The following JAG2 variants were observed in gnomAD, a reference collection of about 807,000 sequenced individuals.
JAG2 encodes protein jagged-2.
Under a neutral mutation model 141.7 loss-of-function variants are expected in JAG2, and 46 were observed. The ratio of observed to expected loss-of-function variants is 0.32; its 90% CI spans 0.26 to 0.42. The LOEUF (loss-of-function observed/expected upper bound fraction) is 0.42. Among genes scored for constraint, JAG2 ranks in the 10% least tolerant of loss-of-function variants. The pLI, the probability that JAG2 is intolerant of heterozygous loss-of-function variation, is 1.00. For synonymous variants in JAG2, 862 were observed against 763.5 expected, an observed-to-expected ratio of 1.13 and a Z score of -2.13; for missense variants, 1,500 against 1,817.5, an observed-to-expected ratio of 0.83 and a Z score of 3.18.
intron 8 of JAG2, 81 bp downstream of exon 8, chr14:105,151,545 C>A (rs1888432027): frequency 7.4e-6 from 10 of 1,357,762 alleles, no homozygotes; most frequent in South Asian, 1.2e-5. Flanking sequence ...GACCACTGCA[C>A]CCCATCCCCA....
At chr14:105,168,188 C>T (rs2141000546) in intron 1 of JAG2, 81 bp from the exon 2 acceptor site, 2 of 1,190,512 alleles carry the variant, frequency 1.7e-6, no homozygotes, top group South Asian at 2.4e-5. Flanking sequence ...GGGAACAGGC[C>T]CCGCCGCCCC....
chr14:105,168,223 G>A, intron 1 of JAG2, 116 bp from the exon 2 acceptor site: 3 of 680,520 alleles, frequency 4.4e-6, no homozygotes, highest in Non-Finnish European at 5.3e-6. Context: ...GCGCCCGCCC[G>A]GAGCCCCAGC....
At position 105,167,308 on chromosome 14, in the gene JAG2, C is replaced by T. The variant is rs1215175635; in HGVS notation, c.417+449G>A. ...GTCCCACGGCGCCCGCCCGTGCCCC[C>T]CAGGCATCCAGGAAACTGCAGGGCA... On this transcript the variant is annotated intron_variant, in intron 2 of 25. Transcript: ENST00000331782. The surrounding 1 kb of genome is among the most constrained non-coding windows in gnomAD (Gnocchi z 4.8). Among the ~76,000 whole-genome samples the T allele has an allele frequency of 6.6e-6, 1 of 152,096 alleles. No individual in the cohort carries two copies. The highest frequency in any genetic ancestry group is 1.9e-4 in the East Asian group (1 of 5,176).
chr14:105,148,901 A>G, intron 14 of JAG2, 36 bp downstream of exon 14: 1 of 1,594,798 alleles, frequency 6.3e-7, no homozygotes, highest in Admixed American at 1.7e-5. Context: ...AGGCCAGCCC[A>G]GCCCCACCAC....
intron 15 of JAG2, 110 bp downstream of exon 15, chr14:105,148,635 C>A: frequency 9.3e-7 from 1 of 1,077,542 alleles, no homozygotes; most frequent in Non-Finnish European, 1.4e-6. Flanking sequence ...CCTGGCCAGG[C>A]CTTTCTGGGT....
intron 12 of JAG2, among the ~76,000 whole-genome samples, chr14:105,150,046 T>A (rs1173586417): frequency 3.4e-5 from 1 of 29,380 alleles, no homozygotes. Context: ...TTGGGGGAGG[T>A]GGGGAAGGGG....
rs1888621387 is a variant in JAG2, at chr14:105,157,708, T to A, written c.473A>T (p.Asn158Ile). ...CACCTGGCCCAGGGCTCACTCACCA[T>A]TCGGGGTGGTATCGTTGTCCCAGTC... ...AWDWDNDTTP[N>I]EELLIERVSH... The change falls in exon 3 of 26, where the codon AAT becomes ATT. Residue 158 changes from asparagine (N) to isoleucine (I), a missense_variant and splice_region_variant. This residue lies in a region of JAG2 where 875 missense variants were observed against 1,202.2 expected (regional missense o/e 0.73). Coordinates refer to ENST00000331782, the MANE Select transcript of JAG2 (RefSeq NM_002226.5). 14 of 1,563,014 alleles carry A rather than the reference T, an allele frequency of 9.0e-6. No homozygotes were observed. Among genetic ancestry groups the A allele is most frequent in the Non-Finnish European group, 1.2e-5 (14 of 1,155,118 alleles).
intron 2 of JAG2, 43 bp from the exon 3 acceptor site, chr14:105,157,806 T>TA (rs1888624786): frequency 6.6e-7 from 1 of 1,522,108 alleles, no homozygotes; most frequent in Non-Finnish European, 8.9e-7. Context: ...AGGCCACACC[T>TA]GCCTGCCTCG....
chr14:105,159,235 G>GC (rs985027594), intron 2 of JAG2, among the ~76,000 whole-genome samples: 7 of 149,078 alleles, frequency 4.7e-5, no homozygotes, highest in Non-Finnish European at 8.9e-5. Context: ...CCCCGGCCCC[G>GC]CCCCCGAGCC....
chr14:105,164,473 G>A (rs1171747755), intron 2 of JAG2, among the ~76,000 whole-genome samples: 2 of 152,208 alleles, frequency 1.3e-5, no homozygotes, highest in African/African-American at 4.8e-5. Flanking sequence ...GAGGGGGGTG[G>A]TCCCCAGTGT....
At chr14:105,151,597 G>C in intron 8 of JAG2, 29 bp downstream of exon 8, 1 of 1,542,654 alleles carries the variant, frequency 6.5e-7, no homozygotes, top group Non-Finnish European at 8.9e-7. Flanking sequence ...TACTAGGCAG[G>C]AGTCCCCTAC....
At chr14:105,151,213 C>CGCAGCCCCAGCAGCCCCCGCAGCCCCA (rs1888417334) in intron 9 of JAG2, 70 bp downstream of exon 9, 21 of 1,372,702 alleles carry the variant, frequency 1.5e-5, no homozygotes, top group African/African-American at 1.3e-4. Context: ...CAGCAGCCCC[C>CGCAGCCCCAGCAGCCCCCGCAGCCCCA]GCAGCCCCAG....
chr14:105,156,759 G>A (rs1054974741), intron 3 of JAG2, among the ~76,000 whole-genome samples: 2 of 152,144 alleles, frequency 1.3e-5, no homozygotes, highest in Non-Finnish European at 1.5e-5. Flanking sequence ...CCCAAGGGGC[G>A]TCCCGGCCGC....
Position 105,150,901 on chromosome 14 carries a change from G to A in JAG2, c.1392C>T (p.Asp464=), listed in dbSNP as rs1179012527. The change falls in exon 11 of 26, where the codon GAC becomes GAT. Residue 464 remains aspartate, a synonymous_variant. Coordinates refer to ENST00000331782, the MANE Select transcript of JAG2 (RefSeq NM_002226.5). ...CCCCATGCTGACACTGCCCGCGACA[G>A]TCGTTGACGTCTGGGGGCAGAGGAG... ...KGINCHINVN[D]CRGQCQHGGT... 1 of 1,592,182 alleles carries A rather than the reference G, an allele frequency of 6.3e-7. No individual in the cohort carries two copies. The highest frequency in any genetic ancestry group is 1.3e-5 in the African/African-American group (1 of 74,416).
At chr14:105,168,199 GC>G in intron 1 of JAG2, 92 bp from the exon 2 acceptor site, 3 of 788,142 alleles carry the variant, frequency 3.8e-6, no homozygotes, top group Non-Finnish European at 4.7e-6. Flanking sequence ...CCGCCGCCCC[GC>G]CCCCACCCAG....
At chr14:105,143,319 G>C in intron 25 of JAG2, 149 bp from the exon 26 acceptor site, 2 of 1,299,888 alleles carry the variant, frequency 1.5e-6, no homozygotes, top group Non-Finnish European at 2.1e-6. Flanking sequence ...CCCAGGACGG[G>C]GGCTGGGAAG....
rs756074990 is a variant in JAG2 at position 105,151,040 on chromosome 14, G to A, written c.1332C>T (p.Gly444=). 16 of 1,613,142 alleles carry A rather than the reference G, an allele frequency of 9.9e-6. No homozygotes were observed. Among genetic ancestry groups the A allele is most frequent in the East Asian group, 4.5e-5 (2 of 44,890 alleles). Residue 444 remains glycine, a synonymous_variant, in exon 10 of 26, where the codon GGC becomes GGT. Coordinates refer to ENST00000331782, the MANE Select transcript of JAG2 (RefSeq NM_002226.5). ...AGCCCGGGATGCAATCACAGTAATA[G>A]CCGCCAATCAGGTTTTTGCAAGAAA... ...NAFSCKNLIG[G]YYCDCIPGWK...
intron 23 of JAG2, among the ~76,000 whole-genome samples, 189 bp downstream of exon 23, chr14:105,145,542 T>C (rs1348243111): frequency 2.0e-5 from 3 of 152,156 alleles, no homozygotes; most frequent in Non-Finnish European, 2.9e-5. Flanking sequence ...CAGCCTCCTC[T>C]GCCACCTCCA....
intron 2 of JAG2, among the ~76,000 whole-genome samples, chr14:105,166,850 C>T (rs1303582715): frequency 6.6e-6 from 1 of 152,186 alleles, no homozygotes; most frequent in African/African-American, 2.4e-5. Context: ...CTCTCATTCC[C>T]GCACTCACCC....
Sources: gnomAD v4.1 joint callset for allele counts (sites outside exome capture counted in the v4.1 genomes callset) on GRCh38, gnomAD v4.1.1 for gene constraint, gnomAD v4.1.1 regional missense constraint, Gnocchi (gnomAD v3.1) non-coding constraint, MANE v1.5 for transcripts, NCBI Gene and HGNC (gene_info 2026-07-23, HGNC 2026-07-21) for gene names.